FOXP1: variants seen among roughly 807,000 people sequenced by gnomAD.
FOXP1 encodes the protein forkhead box P1.
FOXP1 carries 15 observed loss-of-function variants against 98.2 expected under a neutral mutation model. The ratio of observed to expected loss-of-function variants is 0.15; its 90% confidence interval spans 0.10 to 0.24. The LOEUF (loss-of-function observed/expected upper bound fraction) is 0.24. Among genes scored for constraint, FOXP1 ranks in the 10% least tolerant of loss-of-function variants. The probability of loss-of-function intolerance (pLI) is 1.00; values close to 1 mark genes in which losing one functional copy is unlikely to be tolerated. For synonymous variants in FOXP1, 371 were observed against 314.5 expected (o/e 1.18, Z -1.90); for missense variants, 633 against 848.5 (o/e 0.75, Z 3.15).
chr3:71,329,585 G>A (rs1284078860), intron 4 of FOXP1, among the ~76,000 whole-genome samples: 7 of 140,636 alleles, frequency 5.0e-5, no homozygotes, highest in African/African-American at 1.4e-4. Flanking sequence ...GCAAAATGTT[G>A]AAAAAAAAAA....
Position 71,497,174 on chromosome 3 carries a change from A to AG in FOXP1, c.-297-3620dup, listed in dbSNP as rs576215259. On this transcript the variant is annotated intron_variant, in intron 2 of 20. Transcript: ENST00000649528. ...TACAGAGGCAAAAACAAAAAAGAAA[A>AG]GAAAAAAATGACAGAAACCCCCACC... Among the ~76,000 whole-genome samples, 5 of 152,262 alleles carry AG rather than the reference A, an allele frequency of 3.3e-5. No individual in the cohort carries two copies. The South Asian group carries it at 1.0e-3, about 32-fold the overall frequency.
At chr3:71,193,229 G>C (rs6764247) in intron 6 of FOXP1, among the ~76,000 whole-genome samples, 10,398 of 101,100 alleles carry the variant, frequency 0.1, 875 homozygotes, top group African/African-American at 0.18. Flanking sequence ...CTCACTGCAA[G>C]CTCCGCCTCC....
Position 71,074,078 on chromosome 3 carries a change from G to C in FOXP1, c.283-20305C>G, listed in dbSNP as rs559021813. On this transcript the variant is annotated intron_variant, in intron 7 of 20. Transcript: ENST00000649528. ...GGGAAGGCTTGGTGCCTGGTAACAAGATGGCTGAGAAATACAGCAGTACTT... is the reference window on the plus strand; with the variant it reads ...GGGAAGGCTTGGTGCCTGGTAACAACATGGCTGAGAAATACAGCAGTACTT... 2.5e-4 allele frequency among the ~76,000 whole-genome samples: 38 copies of C among 152,326 alleles called. 1 individual carries two copies. In the South Asian group the frequency reaches 7.7e-3, roughly 31 times the overall value.
At chr3:71,325,296 G>C (rs1363177822) in intron 4 of FOXP1, among the ~76,000 whole-genome samples, 3 of 152,052 alleles carry the variant, frequency 2.0e-5, no homozygotes, top group Non-Finnish European at 4.4e-5. Flanking sequence ...CAGGTGATTT[G>C]CCCGCCTCAG....
chr3:71,460,922 A>C (rs951916836), intron 3 of FOXP1, among the ~76,000 whole-genome samples: 1 of 152,052 alleles, frequency 6.6e-6, no homozygotes, highest in African/African-American at 2.4e-5. Flanking sequence ...GAACTGTCTG[A>C]TGGTGGTGCC....
At chr3:71,494,319 G>C (rs555710377) in intron 2 of FOXP1, among the ~76,000 whole-genome samples, 99 of 152,250 alleles carry the variant, frequency 6.5e-4, no homozygotes, top group Admixed American at 2.4e-3. Context: ...TTTGAAAGAA[G>C]CATATTTCTT....
intron 3 of FOXP1, among the ~76,000 whole-genome samples, chr3:71,469,894 A>G (rs2089157097): frequency 1.3e-5 from 2 of 152,086 alleles, no homozygotes; most frequent in Non-Finnish European, 2.9e-5. Flanking sequence ...TATAGATAAA[A>G]TTCAAAGCAA....
intron 6 of FOXP1, among the ~76,000 whole-genome samples, chr3:71,192,487 C>T (rs1207089786): frequency 6.6e-6 from 1 of 152,206 alleles, no homozygotes; most frequent in Admixed American, 6.5e-5. Flanking sequence ...CTATTTCTTG[C>T]AGGCATTGTT....
intron 3 of FOXP1, among the ~76,000 whole-genome samples, chr3:71,387,706 C>T (rs1044818776): frequency 3.9e-5 from 6 of 152,218 alleles, no homozygotes; most frequent in African/African-American, 1.4e-4. Flanking sequence ...ACATTATAAA[C>T]TCAATAACCA....
At position 71,174,422 on chromosome 3, in the gene FOXP1, A is replaced by AAAAC. The variant is rs373399480; in HGVS notation, c.180+23776_180+23779dup. Among the ~76,000 whole-genome samples the AAAAC allele has an allele frequency of 1.3e-3, 199 of 152,278 alleles. 1 individual carries two copies. Among genetic ancestry groups the AAAAC allele is most frequent in the Admixed American group, 5.9e-3 (90 of 15,304 alleles). ...GGCAACACGGCAAGATCCTGTCTCAAAAACAAACAAACAAACAAAGGAAAC... is the reference window on the plus strand; with the variant it reads ...GGCAACACGGCAAGATCCTGTCTCAAAAACAAACAAACAAACAAACAAAGGAAAC... On this transcript the variant is annotated intron_variant, in intron 6 of 20. Coordinates refer to ENST00000649528, the MANE Select transcript of FOXP1 (RefSeq NM_001349338.3).
At chr3:71,385,251 G>C (rs187382731) in intron 3 of FOXP1, among the ~76,000 whole-genome samples, 49 of 152,294 alleles carry the variant, frequency 3.2e-4, no homozygotes, top group Admixed American at 5.2e-4. Flanking sequence ...CACACTGTCA[G>C]CCCTTATTTC....
intron 4 of FOXP1, among the ~76,000 whole-genome samples, chr3:71,328,337 G>A (rs1363808407): frequency 6.6e-6 from 1 of 152,220 alleles, no homozygotes. Context: ...GCTCCCAGCT[G>A]AAGAACTGTG....
chr3:71,530,179 C>T (rs2043723626), intron 2 of FOXP1, among the ~76,000 whole-genome samples: 1 of 152,138 alleles, frequency 6.6e-6, no homozygotes, highest in Non-Finnish European at 1.5e-5. Context: ...CCCAGTGCAA[C>T]AGTGTTGAGA....
upstream of FOXP1, chr3:71,583,904 A>C (rs1221097881): frequency 5.1e-6 from 5 of 976,640 alleles, no homozygotes; most frequent in African/African-American, 9.3e-5. Flanking sequence ...TCTCCGCTTC[A>C]CGCACCCCGC....
intron 11 of FOXP1, among the ~76,000 whole-genome samples, chr3:71,017,181 C>T (rs1416279143): frequency 6.6e-6 from 1 of 152,036 alleles, no homozygotes; most frequent in Non-Finnish European, 1.5e-5. Flanking sequence ...GGTAAAACTG[C>T]ATTGGACTCA....
chr3:70,985,972 G>T (rs2039661329), intron 14 of FOXP1, among the ~76,000 whole-genome samples: 1 of 152,156 alleles, frequency 6.6e-6, no homozygotes, highest in Non-Finnish European at 1.5e-5. Context: ...AAATATTCGT[G>T]CCGATTTCTT....
intron 14 of FOXP1, among the ~76,000 whole-genome samples, chr3:70,980,931 T>C (rs1402925325): frequency 6.6e-6 from 1 of 152,198 alleles, no homozygotes; most frequent in Non-Finnish European, 1.5e-5. Flanking sequence ...TGTGGCTTTC[T>C]GAAAGATGCA....
At chr3:71,062,838 A>G (rs1468868297) in intron 7 of FOXP1, among the ~76,000 whole-genome samples, 4 of 152,176 alleles carry the variant, frequency 2.6e-5, no homozygotes, top group African/African-American at 7.2e-5. Flanking sequence ...ATAATCCTCA[A>G]TAGATTTCTT....
intron 5 of FOXP1, among the ~76,000 whole-genome samples, chr3:71,202,202 T>G (rs1191467556): frequency 6.6e-6 from 1 of 152,218 alleles, no homozygotes; most frequent in Non-Finnish European, 1.5e-5. Flanking sequence ...CAGCTTGGCT[T>G]GTGAATCAGG....
Sources: gnomAD v4.1 joint callset for allele counts (sites outside exome capture counted in the v4.1 genomes callset) on GRCh38, gnomAD v4.1.1 for gene constraint, MANE v1.5 for transcripts, NCBI Gene and HGNC (gene_info 2026-07-23, HGNC 2026-07-21) for gene names.